KIF16B: variants seen among roughly 807,000 people sequenced by gnomAD.
The protein encoded by KIF16B is kinesin-like protein KIF16B.
In KIF16B, 98 loss-of-function variants were observed where a neutral mutation model predicts 156.3. The observed-to-expected ratio is 0.63, with a 90% CI of 0.53 to 0.74. The LOEUF is 0.74. Among genes scored for constraint, KIF16B ranks in the 30% least tolerant of loss-of-function variants. The pLI is 0.00. For missense variants in KIF16B, 1,421 were observed against 1,606.5 expected (o/e 0.88, Z 1.97); for synonymous variants, 564 against 583.7 (o/e 0.97, Z 0.49).
intron 19 of KIF16B, among the ~76,000 whole-genome samples, chr20:16,378,494 G>A (rs994185654): frequency 4.6e-5 from 7 of 152,112 alleles, no homozygotes; most frequent in Admixed American, 6.6e-5. Context: ...TTCTAGTCTT[G>A]CATTTATCAA....
intron 24 of KIF16B, among the ~76,000 whole-genome samples, chr20:16,321,074 ACT>A (rs1385400281): frequency 4.6e-5 from 7 of 151,934 alleles, no homozygotes; most frequent in Non-Finnish European, 8.8e-5. Flanking sequence ...AAGTTATTTC[ACT>A]CTTTTCCCTA....
chr20:16,429,586 C>T (rs923361999), intron 13 of KIF16B, among the ~76,000 whole-genome samples: 1 of 152,170 alleles, frequency 6.6e-6, no homozygotes, highest in Non-Finnish European at 1.5e-5. Context: ...CTCCTTCAGT[C>T]TGTGTGCCTT....
At chr20:16,464,676 C>T (rs1338249874) in intron 12 of KIF16B, among the ~76,000 whole-genome samples, 1 of 152,156 alleles carries the variant, frequency 6.6e-6, no homozygotes, top group Non-Finnish European at 1.5e-5. Flanking sequence ...CTAAGCACGG[C>T]TGCAGCTTAT....
At chr20:16,550,528 CTTTTTTTTTTTTTTT>C (rs745923425) in intron 1 of KIF16B, among the ~76,000 whole-genome samples, 1 of 103,496 alleles carries the variant, frequency 9.7e-6, no homozygotes, top group Non-Finnish European at 1.9e-5. Context: ...ATGAAACATT[CTTTTTTTTTTTTTTT>C]TTTTTTTTGA....
intron 3 of KIF16B, among the ~76,000 whole-genome samples, chr20:16,516,255 GGA>G (rs2069139522): frequency 6.6e-6 from 1 of 152,250 alleles, no homozygotes; most frequent in Admixed American, 6.5e-5. Context: ...TGCCCAGGAT[GGA>G]GAGGGCAGGG....
chr20:16,349,175 A>G (rs1346633462), intron 23 of KIF16B, among the ~76,000 whole-genome samples: 2 of 152,198 alleles, frequency 1.3e-5, no homozygotes, highest in East Asian at 1.9e-4. Context: ...TTTTAAGCAC[A>G]TAGTAAGTAC....
At chr20:16,317,880 T>G (rs1221290482) in intron 24 of KIF16B, among the ~76,000 whole-genome samples, 1 of 152,080 alleles carries the variant, frequency 6.6e-6, no homozygotes, top group Non-Finnish European at 1.5e-5. Flanking sequence ...GCAGGGGCTG[T>G]GAGAGGAGGA....
At position 16,523,609 on chromosome 20, in the gene KIF16B, CAA is replaced by C. The variant is rs1256808275; in HGVS notation, c.231+2481_231+2482del. Among the ~76,000 whole-genome samples, 5 of 152,194 alleles carry C rather than the reference CAA, an allele frequency of 3.3e-5. No homozygotes were observed. The East Asian group carries it at 7.8e-4, about 24-fold the overall frequency. ...ATATCGTGAAAATGGCCATACTGCC[CAA>C]AGTTACTTATAGATTCAATGCTATC... On this transcript the variant is annotated intron_variant, in intron 3 of 25. Coordinates refer to ENST00000354981, the MANE Select transcript of KIF16B (RefSeq NM_024704.5).
chr20:16,504,603 A>T (rs1187413742), intron 9 of KIF16B, 56 bp from the exon 10 acceptor site: 1 of 1,510,176 alleles, frequency 6.6e-7, no homozygotes, highest in Non-Finnish European at 9.1e-7. Flanking sequence ...TCCATTTAAC[A>T]CAAAGTTGGT....
At chr20:16,515,885 C>A (rs1231553968) in intron 3 of KIF16B, among the ~76,000 whole-genome samples, 1 of 152,120 alleles carries the variant, frequency 6.6e-6, no homozygotes, top group Non-Finnish European at 1.5e-5. Flanking sequence ...ATCCTCTTTC[C>A]TACTTAAGTT....
intron 15 of KIF16B, among the ~76,000 whole-genome samples, chr20:16,415,342 C>T (rs1276739075): frequency 2.0e-5 from 3 of 152,136 alleles, no homozygotes; most frequent in Non-Finnish European, 2.9e-5. Flanking sequence ...TAGGCTCATA[C>T]GCACTCCACA....
intron 25 of KIF16B, among the ~76,000 whole-genome samples, chr20:16,277,220 G>A (rs2063075745): frequency 6.6e-6 from 1 of 152,176 alleles, no homozygotes; most frequent in Admixed American, 6.5e-5. Flanking sequence ...CCAGCACTGT[G>A]CAGTACTTCA....
At chr20:16,368,859 G>A (rs2064746391) in intron 22 of KIF16B, 1 of 985,658 alleles carries the variant, frequency 1.0e-6, no homozygotes, top group South Asian at 4.7e-5. Flanking sequence ...AAGTCCAACT[G>A]GACTTGACTC....
At chr20:16,318,524 T>C (rs2122766162) in intron 24 of KIF16B, among the ~76,000 whole-genome samples, 1 of 152,110 alleles carries the variant, frequency 6.6e-6, no homozygotes, top group Admixed American at 6.5e-5. Flanking sequence ...AAGCACAAAG[T>C]GCTTGAAAAC....
chr20:16,430,066 G>T, intron 12 of KIF16B, 84 bp from the exon 13 acceptor site: 3 of 1,338,802 alleles, frequency 2.2e-6, no homozygotes, highest in Non-Finnish European at 3.0e-6. Context: ...TTGTCAGAAT[G>T]GGCAATATTT....
chr20:16,460,996 C>T lies in KIF16B; in HGVS notation c.1303-31014G>A, dbSNP rs536277774. 9.9e-5 allele frequency among the ~76,000 whole-genome samples: 15 copies of T among 152,062 alleles called. No individual in the cohort carries two copies. In the East Asian group the frequency reaches 2.9e-3, roughly 29 times the overall value. ...TAGAAATAAAATGTGTAAGATGCTG[C>T]CAAATTCATATTCAAAGGAAAATGT... On this transcript the variant is annotated intron_variant, in intron 12 of 25. Coordinates refer to ENST00000354981, the MANE Select transcript of KIF16B (RefSeq NM_024704.5).
intron 25 of KIF16B, among the ~76,000 whole-genome samples, chr20:16,297,698 A>G (rs1410245282): frequency 9.6e-5 from 5 of 52,182 alleles, no homozygotes; most frequent in African/African-American, 3.5e-4. Context: ...TCCATCTCAG[A>G]AAAAAAAAAA....
At chr20:16,528,947 G>A (rs1186173161) in intron 1 of KIF16B, among the ~76,000 whole-genome samples, 1 of 152,250 alleles carries the variant, frequency 6.6e-6, no homozygotes, top group East Asian at 1.9e-4. Context: ...AGAACAGGAG[G>A]ACTCCTAAAG....
chr20:16,321,042 C>CT (rs891868337), intron 24 of KIF16B, among the ~76,000 whole-genome samples: 15 of 152,102 alleles, frequency 9.9e-5, no homozygotes, highest in Non-Finnish European at 2.9e-5. Flanking sequence ...AATACCATAT[C>CT]TAGAATAAAC....
Sources: allele counts gnomAD v4.1 joint callset (sites outside exome capture counted in the v4.1 genomes callset), GRCh38; gene constraint gnomAD v4.1.1; transcripts MANE v1.5; gene names NCBI Gene and HGNC (gene_info 2026-07-23, HGNC 2026-07-21).